SYNRG: variants seen among roughly 807,000 people sequenced by gnomAD.
SYNRG encodes the protein synergin gamma.
SYNRG carries 37 observed loss-of-function variants against 130.9 expected under a neutral mutation model. The observed-to-expected ratio is 0.28, with a 90% CI of 0.22 to 0.37. SYNRG has a LOEUF of 0.37. Ranked by LOEUF, SYNRG falls within the 10% of genes least tolerant of loss-of-function variation. The pLI, the probability that SYNRG is intolerant of heterozygous loss-of-function variation, is 1.00. For synonymous variants in SYNRG, 539 were observed against 568.1 expected, an observed-to-expected ratio of 0.95 and a Z score of 0.73; for missense variants, 1,338 against 1,588.9, an observed-to-expected ratio of 0.84 and a Z score of 2.68.
chr17:37,530,862 T>A (rs17138637), intron 19 of SYNRG, among the ~76,000 whole-genome samples: 2 of 152,160 alleles, frequency 1.3e-5, no homozygotes, highest in Non-Finnish European at 2.9e-5. Context: ...ACAAAAAATG[T>A]CTGGTAGCTT....
At chr17:37,519,331 T>G (rs573165500) in intron 21 of SYNRG, among the ~76,000 whole-genome samples, 1 of 151,734 alleles carries the variant, frequency 6.6e-6, no homozygotes, top group South Asian at 2.1e-4. Flanking sequence ...CAGACAGAGG[T>G]TATGGGGTGG....
chr17:37,564,005 G>C (rs890299594), intron 11 of SYNRG, among the ~76,000 whole-genome samples: 1 of 151,798 alleles, frequency 6.6e-6, no homozygotes, highest in Non-Finnish European at 1.5e-5. Flanking sequence ...CACCAGGCCT[G>C]GGTAATTTTT....
In SYNRG at chr17:37,518,769, C is replaced by T; in HGVS notation, c.*171G>A. 1.3e-6 allele frequency: 1 copy of T among 776,186 alleles called. No individual in the cohort carries two copies. The highest frequency in any genetic ancestry group is 2.7e-5 in the East Asian group (1 of 37,542). 48.1% of individuals were successfully genotyped at this position (776,186 alleles called of 1,614,324 possible). A position where few individuals can be genotyped will look rare whatever the true frequency, so the allele number is the denominator to read the frequency against. On this transcript the variant is annotated 3_prime_UTR_variant, in exon 22 of 22. Transcript: ENST00000612223. Reference sequence around the variant, plus strand: ...TGCAGTTTGGGTGGGACAATTTTACCTGAAGTCCTGCAGACTGGCCGTGGG... The same window carrying T: ...TGCAGTTTGGGTGGGACAATTTTACTTGAAGTCCTGCAGACTGGCCGTGGG...
intron 4 of SYNRG, among the ~76,000 whole-genome samples, chr17:37,585,757 T>A (rs549209501): frequency 6.6e-6 from 1 of 152,196 alleles, no homozygotes; most frequent in Non-Finnish European, 1.5e-5. Context: ...TTGCTCTGCA[T>A]ATTAAAAAAG....
intron 14 of SYNRG, among the ~76,000 whole-genome samples, chr17:37,547,537 A>G (rs969245679): frequency 3.3e-5 from 5 of 149,814 alleles, no homozygotes; most frequent in South Asian, 2.1e-4. Flanking sequence ...ATCTCAGCTC[A>G]CTGCAACCTC....
intron 10 of SYNRG, among the ~76,000 whole-genome samples, chr17:37,569,679 A>C (rs1307000873): frequency 1.3e-5 from 2 of 150,692 alleles, no homozygotes; most frequent in Admixed American, 1.3e-4. Flanking sequence ...ACTAAAAAGG[A>C]AAGGTCAAAA....
At chr17:37,567,315 G>A (rs1041936183) in intron 11 of SYNRG, 1 of 152,210 alleles carries the variant, frequency 6.6e-6, no homozygotes, top group Non-Finnish European at 1.5e-5. Flanking sequence ...TTTTAATTTG[G>A]TGACTGAATA....
chr17:37,522,870 A>G (rs1394058576), intron 19 of SYNRG, among the ~76,000 whole-genome samples: 1 of 151,458 alleles, frequency 6.6e-6, no homozygotes, highest in Non-Finnish European at 1.5e-5. Context: ...TGAACTCCTG[A>G]CCTCGTGATC....
intron 15 of SYNRG, chr17:37,541,734 A>T (rs2057781933): frequency 3.5e-6 from 2 of 575,312 alleles, no homozygotes; most frequent in Non-Finnish European, 6.1e-6. Flanking sequence ...CGAGCTAATG[A>T]GCAATACCTG....
chr17:37,524,272 C>G (rs1431918959), intron 19 of SYNRG, among the ~76,000 whole-genome samples: 1 of 151,888 alleles, frequency 6.6e-6, no homozygotes, highest in African/African-American at 2.4e-5. Flanking sequence ...TTTTGAGCAA[C>G]AAAGCAAAAT....
At chr17:37,536,813 C>A (rs1212426754) in intron 18 of SYNRG, 3 of 152,212 alleles carry the variant, frequency 2.0e-5, no homozygotes, top group African/African-American at 7.2e-5. Flanking sequence ...GTGCTAAGTA[C>A]CTCCACATTC....
At chr17:37,542,945 C>T (rs1051763084) in intron 14 of SYNRG, among the ~76,000 whole-genome samples, 2 of 152,178 alleles carry the variant, frequency 1.3e-5, no homozygotes, top group Non-Finnish European at 2.9e-5. Flanking sequence ...CTCCCTTCAT[C>T]TTGACTTTGT....
Position 37,553,846 on chromosome 17 carries a change from C to T in SYNRG, c.1877G>A (p.Ser626Asn), listed in dbSNP as rs759768227. 1.9e-6 allele frequency: 3 copies of T among 1,612,478 alleles called. No individual in the cohort carries two copies. In the East Asian group the frequency reaches 6.7e-5, roughly 36 times the overall value. ...TGAAAAAGACAATGGTTTCTCGCTGCTGCAATTAACTGAGGAAAACATATC... is the reference window on the plus strand; with the variant it reads ...TGAAAAAGACAATGGTTTCTCGCTGTTGCAATTAACTGAGGAAAACATATC... The part of the protein sequence containing the change: ...DLDMFSSVNC[S>N]SEKPLSFSAV... The change falls in exon 14 of 22, where the codon AGC becomes AAC. Residue 626 changes from serine to asparagine, a missense_variant. Coordinates refer to ENST00000612223, the MANE Select transcript of SYNRG (RefSeq NM_007247.6).
chr17:37,570,143 CTTTTTTT>C (rs11320959), intron 10 of SYNRG, among the ~76,000 whole-genome samples: 2 of 113,802 alleles, frequency 1.8e-5, no homozygotes, highest in East Asian at 2.7e-4. Flanking sequence ...CATGCTGAGG[CTTTTTTT>C]TTTTTTTTTT....
chr17:37,548,823 C>CT (rs1234013247), intron 14 of SYNRG, among the ~76,000 whole-genome samples: 1 of 109,364 alleles, frequency 9.1e-6, no homozygotes, highest in Non-Finnish European at 1.8e-5. Context: ...GAAACTCTGT[C>CT]TTAAAAAAAA....
rs2054545883 is a variant in SYNRG at position 37,517,865 on chromosome 17, G to A, written c.*1075C>T. ...CTAATTTTATGCATTCACATTAAATGGCAAAGACAATTCCCTACTCCAGGA... is the reference window on the plus strand; with the variant it reads ...CTAATTTTATGCATTCACATTAAATAGCAAAGACAATTCCCTACTCCAGGA... On this transcript the variant is annotated 3_prime_UTR_variant, in exon 22 of 22. Transcript: ENST00000612223. 1 of 152,140 alleles carries A rather than the reference G, an allele frequency of 6.6e-6. No individual in the cohort carries two copies. Among genetic ancestry groups the A allele is most frequent in the Non-Finnish European group, 1.5e-5 (1 of 68,034 alleles). The allele number at this position is 152,140 out of a possible 1,614,324, so 9.4% of individuals were successfully genotyped here. A position where few individuals can be genotyped will look rare whatever the true frequency, so the allele number is the denominator to read the frequency against.
chr17:37,567,764 A>T, intron 11 of SYNRG: 1 of 152,252 alleles, frequency 6.6e-6, no homozygotes, highest in East Asian at 1.9e-4. Flanking sequence ...AGGGGAAGAG[A>T]TGAGCGAAAC....
chr17:37,598,193 A>G (rs538755909), intron 2 of SYNRG, among the ~76,000 whole-genome samples: 1 of 152,208 alleles, frequency 6.6e-6, no homozygotes, highest in East Asian at 1.9e-4. Flanking sequence ...TCAGGTGGTG[A>G]TAAGAGCTAG....
intron 1 of SYNRG, among the ~76,000 whole-genome samples, chr17:37,604,715 C>T (rs1338568080): frequency 1.3e-5 from 2 of 152,328 alleles, no homozygotes; most frequent in Admixed American, 6.5e-5. Context: ...GCTTTCAACA[C>T]TTAATGACTA....
Sources: allele counts gnomAD v4.1 joint callset (sites outside exome capture counted in the v4.1 genomes callset), GRCh38; gene constraint gnomAD v4.1.1; transcripts MANE v1.5; gene names NCBI Gene and HGNC (gene_info 2026-07-23, HGNC 2026-07-21).